The following SNTG1 variants were observed in gnomAD, a reference collection of about 807,000 sequenced individuals.
SNTG1 encodes gamma-1-syntrophin.
A neutral mutation model predicts 74.7 loss-of-function variants in SNTG1; 39 were observed. The observed-to-expected ratio is 0.52, with a 90% confidence interval of 0.40 to 0.68. SNTG1 has a LOEUF of 0.68. SNTG1 is among the 30% of genes least tolerant of loss of function. The probability of loss-of-function intolerance (pLI) is 0.00; values close to 1 mark genes in which losing one functional copy is unlikely to be tolerated. For missense variants in SNTG1, 685 were observed against 609.5 expected (o/e 1.12, Z -1.30); for synonymous variants, 254 against 217.1 (o/e 1.17, Z -1.49).
chr8:50,023,361 C>T (rs535554679), intron 1 of SNTG1, among the ~76,000 whole-genome samples: 16 of 152,190 alleles, frequency 1.1e-4, no homozygotes, highest in Admixed American at 9.8e-4. Flanking sequence ...AATAAAGAGG[C>T]ATGCAGAGAA....
At chr8:50,529,018 GGT>G (rs1187829853) in intron 9 of SNTG1, among the ~76,000 whole-genome samples, 1 of 150,756 alleles carries the variant, frequency 6.6e-6, no homozygotes, top group Non-Finnish European at 1.5e-5. Flanking sequence ...ACCTTCTTTT[GGT>G]GTATGTATTT....
At chr8:50,173,951 A>G (rs1439197147) in intron 2 of SNTG1, among the ~76,000 whole-genome samples, 1 of 152,158 alleles carries the variant, frequency 6.6e-6, no homozygotes, top group East Asian at 1.9e-4. Flanking sequence ...TAAGCCCTGC[A>G]TGCAGTAGGT....
intron 8 of SNTG1, among the ~76,000 whole-genome samples, chr8:50,492,442 G>A (rs1162551647): frequency 6.6e-6 from 1 of 152,168 alleles, no homozygotes; most frequent in Non-Finnish European, 1.5e-5. Flanking sequence ...TCTAACCGGT[G>A]TGAGATGGTA....
chr8:50,345,223 C>G (rs1334963704), intron 2 of SNTG1, among the ~76,000 whole-genome samples: 1 of 152,196 alleles, frequency 6.6e-6, no homozygotes, highest in Non-Finnish European at 1.5e-5. Flanking sequence ...AATGGTGGAA[C>G]AGGCACAGAA....
chr8:50,035,215 T>C (rs1818051660), intron 1 of SNTG1, among the ~76,000 whole-genome samples: 1 of 152,190 alleles, frequency 6.6e-6, no homozygotes, highest in African/African-American at 2.4e-5. Flanking sequence ...CTCCTGGGTG[T>C]CTCTCTTAGA....
chr8:50,638,065 T>C (rs997923938), intron 13 of SNTG1, among the ~76,000 whole-genome samples: 3 of 152,106 alleles, frequency 2.0e-5, no homozygotes, highest in African/African-American at 4.8e-5. Flanking sequence ...TGTTACCTTA[T>C]GTGGAAAAAG....
At chr8:49,952,425 C>G (rs904836081) in intron 1 of SNTG1, among the ~76,000 whole-genome samples, 9 of 152,104 alleles carry the variant, frequency 5.9e-5, no homozygotes, top group Non-Finnish European at 1.3e-4. Flanking sequence ...AGGCATTCCA[C>G]AGAAGAGAAA....
chr8:50,094,272 G>A (rs773331225), intron 1 of SNTG1, among the ~76,000 whole-genome samples: 1 of 152,014 alleles, frequency 6.6e-6, no homozygotes, highest in Non-Finnish European at 1.5e-5. Flanking sequence ...AACCAATTCA[G>A]GGAAAAAAGT....
At chr8:49,960,554 G>T (rs759169512) in intron 1 of SNTG1, among the ~76,000 whole-genome samples, 1 of 151,926 alleles carries the variant, frequency 6.6e-6, no homozygotes. Context: ...TTGAAAGGAC[G>T]ATATGTTGAT....
intron 9 of SNTG1, among the ~76,000 whole-genome samples, chr8:50,518,536 A>T (rs1367249378): frequency 6.6e-6 from 1 of 152,154 alleles, no homozygotes; most frequent in Non-Finnish European, 1.5e-5. Flanking sequence ...TTTTGAAAAG[A>T]TTAACATAAT....
At chr8:50,074,834 C>T (rs1025507422) in intron 1 of SNTG1, among the ~76,000 whole-genome samples, 3 of 152,184 alleles carry the variant, frequency 2.0e-5, no homozygotes, top group Non-Finnish European at 4.4e-5. Context: ...GAGCCAACTC[C>T]CTCTGCTTGC....
At chr8:50,786,596 C>T (rs567124682) in intron 18 of SNTG1, among the ~76,000 whole-genome samples, 2 of 151,930 alleles carry the variant, frequency 1.3e-5, no homozygotes, top group South Asian at 4.1e-4. Context: ...TTTCAAAACA[C>T]TACAAAGCTA....
At chr8:50,657,439 CAT>C (rs1479625001) in intron 14 of SNTG1, among the ~76,000 whole-genome samples, 2 of 152,048 alleles carry the variant, frequency 1.3e-5, no homozygotes, top group African/African-American at 4.8e-5. Context: ...CATGAATGAA[CAT>C]GTTTACTAAA....
At chr8:50,623,004 A>C (rs2094933224) in intron 13 of SNTG1, among the ~76,000 whole-genome samples, 1 of 152,034 alleles carries the variant, frequency 6.6e-6, no homozygotes, top group African/African-American at 2.4e-5. Flanking sequence ...ACTGACTTTT[A>C]TGTATTGATT....
intron 2 of SNTG1, among the ~76,000 whole-genome samples, chr8:50,202,592 G>T (rs1323609824): frequency 6.6e-6 from 1 of 151,908 alleles, no homozygotes; most frequent in Non-Finnish European, 1.5e-5. Context: ...TTATCCATTT[G>T]CTTATTAAAG....
intron 2 of SNTG1, among the ~76,000 whole-genome samples, chr8:50,312,807 T>C (rs1307862175): frequency 1.3e-5 from 2 of 150,120 alleles, no homozygotes; most frequent in African/African-American, 2.5e-5. Flanking sequence ...ACTGGGCGTA[T>C]GTTAACTATG....
At chr8:50,154,691 C>T (rs2082195763) in intron 1 of SNTG1, among the ~76,000 whole-genome samples, 2 of 152,134 alleles carry the variant, frequency 1.3e-5, no homozygotes, top group Admixed American at 6.5e-5. Context: ...ATTGAACTAA[C>T]CAAAATTGCA....
chr8:49,960,636 T>C (rs1044785300), intron 1 of SNTG1, among the ~76,000 whole-genome samples: 5 of 152,156 alleles, frequency 3.3e-5, no homozygotes, highest in African/African-American at 9.6e-5. Context: ...TACACACATA[T>C]ATGCAGAGAC....
intron 15 of SNTG1, among the ~76,000 whole-genome samples, chr8:50,685,648 ATATTAT>A: frequency 6.6e-6 from 1 of 152,312 alleles, no homozygotes; most frequent in Admixed American, 6.5e-5. Flanking sequence ...CAAATAGAAA[ATATTAT>A]TATTAACAGG....
Sources: allele counts gnomAD v4.1 joint callset (sites outside exome capture counted in the v4.1 genomes callset), GRCh38; gene constraint gnomAD v4.1.1; transcripts MANE v1.5; gene names NCBI Gene and HGNC (gene_info 2026-07-23, HGNC 2026-07-21).